EIF4E3: variants seen among roughly 807,000 people sequenced by gnomAD.
EIF4E3 encodes eukaryotic translation initiation factor 4E family member 3.
In EIF4E3, 26 loss-of-function variants were observed where a neutral mutation model predicts 31.7. The observed-to-expected ratio is 0.82, with a 90% CI of 0.60 to 1.14. EIF4E3 has a LOEUF of 1.14. EIF4E3 is among the 50% of genes most tolerant of loss of function. The pLI is 0.00. For synonymous variants in EIF4E3, 128 were observed against 107.7 expected, an observed-to-expected ratio of 1.19 and a Z score of -1.17; for missense variants, 304 against 270.9, an observed-to-expected ratio of 1.12 and a Z score of -0.86.
Position 71,710,168 on chromosome 3 carries a change from A to G in EIF4E3, c.249+244T>C, listed in dbSNP as rs547887518. ...AGTCTGCCTTTTGTGCGGGTCTATG[A>G]AAGGTTTAGGTAGTAGATAAAGGTT... On this transcript the variant is annotated intron_variant, in intron 2 of 6. Coordinates refer to ENST00000425534, the MANE Select transcript of EIF4E3 (RefSeq NM_001134651.2). Among the ~76,000 whole-genome samples, 292 of 152,248 alleles carry G rather than the reference A, an allele frequency of 1.9e-3. 1 individual carries two copies. Among genetic ancestry groups the G allele is most frequent in the Middle Eastern group, 3.4e-3 (1 of 294 alleles).
chr3:71,752,419 T>A (rs2049939083), intron 1 of EIF4E3, among the ~76,000 whole-genome samples: 1 of 152,204 alleles, frequency 6.6e-6, no homozygotes, highest in Non-Finnish European at 1.5e-5. Flanking sequence ...GGCTCCTGAC[T>A]GCCTGCAGAC....
intron 1 of EIF4E3, among the ~76,000 whole-genome samples, chr3:71,752,500 A>G (rs1483504124): frequency 6.6e-6 from 1 of 152,118 alleles, no homozygotes; most frequent in African/African-American, 2.4e-5. Flanking sequence ...AATGCCCATC[A>G]AGGTGCCTGC....
chr3:71,664,213 A>G, the EIF4E3 span, among the ~76,000 whole-genome samples: 2 of 152,302 alleles, frequency 1.3e-5, no homozygotes, highest in South Asian at 4.1e-4. Context: ...ATAGAGCCTG[A>G]CTACATACAA....
chr3:71,684,752 A>G (rs2048969195), intron 6 of EIF4E3, 24 bp from the exon 7 acceptor site: 2 of 1,612,182 alleles, frequency 1.2e-6, no homozygotes, highest in Non-Finnish European at 1.7e-6. Flanking sequence ...AAAAAACAAA[A>G]AAGAAAAAAA....
At chr3:71,754,581 G>A (rs946014524), upstream of EIF4E3, 4 of 1,407,108 alleles carry the variant, frequency 2.8e-6, no homozygotes, top group Middle Eastern at 2.5e-4. The surrounding 1 kb of genome is among the most constrained non-coding windows in gnomAD (Gnocchi z 5.8). Flanking sequence ...GCAGCGGCCC[G>A]ACGGCGCCCC....
intron 6 of EIF4E3, among the ~76,000 whole-genome samples, chr3:71,689,519 A>G (rs1305125020): frequency 6.6e-6 from 1 of 152,216 alleles, no homozygotes; most frequent in Non-Finnish European, 1.5e-5. Flanking sequence ...GTTCTGTGTC[A>G]TAGTCATTCA....
At chr3:71,709,440 T>A (rs2049343433) in intron 2 of EIF4E3, among the ~76,000 whole-genome samples, 1 of 152,156 alleles carries the variant, frequency 6.6e-6, no homozygotes, top group South Asian at 2.1e-4. Flanking sequence ...AGTGCAGTAG[T>A]GTGAACACAG....
downstream of EIF4E3, among the ~76,000 whole-genome samples, chr3:71,673,627 C>T (rs2048857508): frequency 6.6e-6 from 1 of 151,528 alleles, no homozygotes; most frequent in Non-Finnish European, 1.5e-5. Flanking sequence ...TACTTACATG[C>T]CAGGTATGTG....
chr3:71,751,697 T>C (rs1472032606), intron 1 of EIF4E3, among the ~76,000 whole-genome samples: 1 of 152,234 alleles, frequency 6.6e-6, no homozygotes, highest in Non-Finnish European at 1.5e-5. Context: ...TGTTTGTTTA[T>C]AATGTAGGGC....
At chr3:71,699,173 G>A (rs2049179756) in intron 3 of EIF4E3, among the ~76,000 whole-genome samples, 1 of 152,254 alleles carries the variant, frequency 6.6e-6, no homozygotes, top group East Asian at 1.9e-4. Context: ...GCTGTGGTGA[G>A]CCGTGATGGT....
chr3:71,713,367 A>G (rs2049411846), intron 1 of EIF4E3, among the ~76,000 whole-genome samples: 1 of 152,138 alleles, frequency 6.6e-6, no homozygotes, highest in Admixed American at 6.5e-5. Context: ...GCCTTTTTTA[A>G]GTGGAGTTTT....
At chr3:71,728,704 T>A (rs947942101), upstream of EIF4E3, 1 of 152,618 alleles carries the variant, frequency 6.6e-6, no homozygotes, top group African/African-American at 2.4e-5. Flanking sequence ...TCCCCTCCCC[T>A]CCAGCATCCA....
chr3:71,732,512 G>A (rs2049717155), intron 1 of EIF4E3, among the ~76,000 whole-genome samples: 1 of 152,222 alleles, frequency 6.6e-6, no homozygotes, highest in South Asian at 2.1e-4. Context: ...GATTGGAGGA[G>A]TAATGATTTG....
In EIF4E3 at chr3:71,679,463, A is replaced by G. The variant is rs962381026; in HGVS notation, c.*5219T>C. ...TGGTAACTTTTTTCAGGCAGCAACCAAAACAAAAACATTTAACACAGATTC... is the reference window on the plus strand; with the variant it reads ...TGGTAACTTTTTTCAGGCAGCAACCGAAACAAAAACATTTAACACAGATTC... On this transcript the variant is annotated 3_prime_UTR_variant, in exon 7 of 7. Transcript: ENST00000425534. 3 of 152,210 alleles carry G rather than the reference A, an allele frequency of 2.0e-5. No individual in the cohort carries two copies. Among genetic ancestry groups the G allele is most frequent in the Non-Finnish European group, 2.9e-5 (2 of 68,018 alleles). The allele number at this position is 152,210 out of a possible 1,614,324, so 9.4% of individuals were successfully genotyped here.
At chr3:71,740,733 G>A (rs990552028) in intron 1 of EIF4E3, among the ~76,000 whole-genome samples, 3 of 152,000 alleles carry the variant, frequency 2.0e-5, no homozygotes, top group Non-Finnish European at 2.9e-5. Flanking sequence ...ACCCTGTCTC[G>A]AAAAACAACA....
intron 1 of EIF4E3, among the ~76,000 whole-genome samples, chr3:71,748,550 G>A (rs2049896057): frequency 2.6e-5 from 4 of 152,158 alleles, no homozygotes; most frequent in Admixed American, 2.6e-4. Flanking sequence ...CTGCTGAGAA[G>A]AATACCTGTG....
chr3:71,693,602 C>G (rs2049092656), intron 5 of EIF4E3, among the ~76,000 whole-genome samples: 1 of 151,960 alleles, frequency 6.6e-6, no homozygotes, highest in Non-Finnish European at 1.5e-5. Flanking sequence ...GTTATAGATA[C>G]TATTAAATTA....
chr3:71,714,289 G>T (rs867322990), intron 1 of EIF4E3, among the ~76,000 whole-genome samples: 4 of 132,116 alleles, frequency 3.0e-5, no homozygotes, highest in African/African-American at 1.3e-4. Flanking sequence ...AAGGAAGGAA[G>T]GAAGGAAGGA....
chr3:71,702,021 G>T lies in EIF4E3; in HGVS notation c.250-2313C>A, dbSNP rs73837559. Reference sequence around the variant, plus strand: ...CTGTGGTGTGAGGGTGGGTAGGCAGGGCTGGAATCTGAATCCAGGCAATTT... The same window carrying T: ...CTGTGGTGTGAGGGTGGGTAGGCAGTGCTGGAATCTGAATCCAGGCAATTT... On this transcript the variant is annotated intron_variant, in intron 2 of 6. Transcript: ENST00000425534. 6.1e-3 allele frequency among the ~76,000 whole-genome samples: 925 copies of T among 152,194 alleles called. 10 individuals carry two copies. Among genetic ancestry groups the T allele is most frequent in the African/African-American group, 0.021 (889 of 41,516 alleles).
Sources: gnomAD v4.1 joint callset for allele counts (sites outside exome capture counted in the v4.1 genomes callset) on GRCh38, gnomAD v4.1.1 for gene constraint, Gnocchi (gnomAD v3.1) non-coding constraint, MANE v1.5 for transcripts, NCBI Gene and HGNC (gene_info 2026-07-23, HGNC 2026-07-21) for gene names.